The following FTCDNL1 variants were observed in gnomAD, a reference collection of about 807,000 sequenced individuals.
FTCDNL1 encodes the protein formiminotransferase cyclodeaminase N-terminal like.
FTCDNL1 carries 11 observed loss-of-function variants against 5.9 expected under a neutral mutation model. That is an observed-to-expected ratio of 1.87 (90% confidence interval 1.18 to 3.10). The LOEUF (loss-of-function observed/expected upper bound fraction) is 3.10. Among genes scored for constraint, FTCDNL1 ranks in the 30% most tolerant of loss-of-function variants. The pLI, the probability that FTCDNL1 is intolerant of heterozygous loss-of-function variation, is 0.00. For missense variants in FTCDNL1, 115 were observed against 65.5 expected (o/e 1.76, Z -2.61); for synonymous variants, 58 against 24.8 (o/e 2.34, Z -3.99).
the FTCDNL1 span, among the ~76,000 whole-genome samples, chr2:199,734,400 T>G: frequency 6.6e-6 from 1 of 152,220 alleles, no homozygotes; most frequent in Non-Finnish European, 1.5e-5. Flanking sequence ...GGATTTCAAA[T>G]GAATCAATTT....
chr2:199,748,414 C>G, the FTCDNL1 span, among the ~76,000 whole-genome samples: 2,779 of 152,142 alleles, frequency 0.018, 75 homozygotes, highest in Admixed American at 0.067. Context: ...GAAGTCTTAC[C>G]AGCCCCTCAA....
chr2:199,807,631 T>C (rs145640079), downstream of FTCDNL1, among the ~76,000 whole-genome samples: 1 of 152,300 alleles, frequency 6.6e-6, no homozygotes, highest in East Asian at 1.9e-4. Flanking sequence ...AATGAGACTC[T>C]ATCTCAGAAA....
chr2:199,846,095 GC>G lies in FTCDNL1; in HGVS notation c.190del (p.Ala64GlnfsTer68), dbSNP rs1188592051. 1 of 695,688 alleles carries G rather than the reference GC, an allele frequency of 1.4e-6. No individual in the cohort carries two copies. Among genetic ancestry groups the G allele is most frequent in the Non-Finnish European group, 2.6e-6 (1 of 382,686 alleles). The allele number at this position is 695,688 out of a possible 1,614,324, so 43.1% of individuals were successfully genotyped here. A position where few individuals can be genotyped will look rare whatever the true frequency, so the allele number is the denominator to read the frequency against. ...QDYKRSVITI[A>X]TSVDKLGLAE... ...CTTACCCAACTTATCAACAGAAGTTGCTATTGTAATGACTGATCTCTTGTAG... is the reference window on the plus strand; with the variant it reads ...CTTACCCAACTTATCAACAGAAGTTGTATTGTAATGACTGATCTCTTGTAG... On this transcript the variant is annotated frameshift_variant, in exon 3 of 5. Coordinates refer to ENST00000420128, the MANE Select transcript of FTCDNL1 (RefSeq NM_001363886.2). LOFTEE classifies it high-confidence loss of function.
downstream of FTCDNL1, among the ~76,000 whole-genome samples, chr2:199,758,045 C>T (rs1400482799): frequency 6.6e-6 from 1 of 152,198 alleles, no homozygotes. Context: ...CCTCACAATT[C>T]GCTGATCACT....
At chr2:199,831,247 C>T (rs868730720) in intron 3 of FTCDNL1, among the ~76,000 whole-genome samples, 4 of 152,148 alleles carry the variant, frequency 2.6e-5, no homozygotes, top group South Asian at 2.1e-4. Context: ...AGGATAAGCA[C>T]TTAATTGATT....
chr2:199,742,325 C>T, the FTCDNL1 span, among the ~76,000 whole-genome samples: 1 of 152,080 alleles, frequency 6.6e-6, no homozygotes, highest in African/African-American at 2.4e-5. Flanking sequence ...TTTACTATAC[C>T]AATGTGGGGT....
intron 3 of FTCDNL1, among the ~76,000 whole-genome samples, chr2:199,823,173 T>G (rs1701802522): frequency 6.6e-6 from 1 of 152,180 alleles, no homozygotes; most frequent in Non-Finnish European, 1.5e-5. Context: ...ATCACGAGAT[T>G]TCAGCAATTC....
Position 199,809,670 on chromosome 2 carries a change from GTTC to G in FTCDNL1, c.*3032_*3034del, listed in dbSNP as rs879693391. ...CCTTCTCTTTGCTCAAAAACAGTAT[GTTC>G]TCTAAACCTTTAGACTTTCCATCTG... On this transcript the variant is annotated 3_prime_UTR_variant, in exon 5 of 5. Transcript: ENST00000420128. 6.6e-6 allele frequency among the ~76,000 whole-genome samples: 1 copy of G among 152,060 alleles called. No individual in the cohort carries two copies. Among genetic ancestry groups the G allele is most frequent in the Non-Finnish European group, 1.5e-5 (1 of 68,008 alleles).
the FTCDNL1 span, among the ~76,000 whole-genome samples, chr2:199,753,450 T>C: frequency 3.3e-5 from 5 of 152,212 alleles, no homozygotes; most frequent in Non-Finnish European, 7.3e-5. Context: ...TCTTCCCCAG[T>C]TACAGTGAGA....
intron 3 of FTCDNL1, among the ~76,000 whole-genome samples, chr2:199,765,552 A>ATTT (rs1408657776): frequency 2.6e-3 from 148 of 57,684 alleles, no homozygotes; most frequent in African/African-American, 5.6e-3. Flanking sequence ...ATATATATAT[A>ATTT]TATATTTTTT....
chr2:199,696,190 C>G, the FTCDNL1 span, among the ~76,000 whole-genome samples: 2 of 152,210 alleles, frequency 1.3e-5, no homozygotes, highest in African/African-American at 4.8e-5. Flanking sequence ...CTAGGGCAAG[C>G]GTGCATGGGC....
chr2:199,800,627 C>G (rs1019151820), intron 3 of FTCDNL1, among the ~76,000 whole-genome samples: 2 of 152,168 alleles, frequency 1.3e-5, no homozygotes, highest in Non-Finnish European at 2.9e-5. Flanking sequence ...TATGGCTACT[C>G]TTTTGTCACC....
chr2:199,696,272 C>T, the FTCDNL1 span, among the ~76,000 whole-genome samples: 1 of 152,246 alleles, frequency 6.6e-6, no homozygotes, highest in Non-Finnish European at 1.5e-5. Context: ...ACCCTGCTGC[C>T]ACTGGCACAT....
At chr2:199,787,301 G>C (rs180813298) in intron 3 of FTCDNL1, among the ~76,000 whole-genome samples, 3 of 152,104 alleles carry the variant, frequency 2.0e-5, no homozygotes, top group Non-Finnish European at 2.9e-5. Flanking sequence ...TCCTGACTCA[G>C]CTTCCTGAGT....
intron 4 of FTCDNL1, 112 bp from the exon 5 acceptor site, chr2:199,812,836 C>A: frequency 1.7e-6 from 1 of 585,368 alleles, no homozygotes; most frequent in Non-Finnish European, 3.0e-6. Flanking sequence ...ATTTTTTTAT[C>A]AAAAAGAAAA....
At chr2:199,687,920 T>C in the FTCDNL1 span, among the ~76,000 whole-genome samples, 2 of 152,100 alleles carry the variant, frequency 1.3e-5, no homozygotes, top group African/African-American at 4.8e-5. Flanking sequence ...CAGTGTTACA[T>C]AGTAACTAGT....
chr2:199,840,283 A>G (rs953448579), intron 3 of FTCDNL1, among the ~76,000 whole-genome samples: 3 of 152,240 alleles, frequency 2.0e-5, no homozygotes, highest in Admixed American at 2.0e-4. Flanking sequence ...TATCAAAAAG[A>G]TAATGACCAA....
chr2:199,701,593 T>C, the FTCDNL1 span, among the ~76,000 whole-genome samples: 82,434 of 152,060 alleles, frequency 0.54, 24,410 homozygotes, highest in South Asian at 0.69. Context: ...ATAAAGGAAA[T>C]GTTGTATATA....
the FTCDNL1 span, among the ~76,000 whole-genome samples, chr2:199,694,787 T>C: frequency 6.6e-6 from 1 of 152,132 alleles, no homozygotes; most frequent in Non-Finnish European, 1.5e-5. Flanking sequence ...TGAGCTGTGA[T>C]TGCACCACTA....
Sources: gnomAD v4.1 joint callset for allele counts (sites outside exome capture counted in the v4.1 genomes callset) on GRCh38, gnomAD v4.1.1 for gene constraint, MANE v1.5 for transcripts, NCBI Gene and HGNC (gene_info 2026-07-23, HGNC 2026-07-21) for gene names.